Variants in SCARA5 observed in about 807,000 individuals in gnomAD.
SCARA5 encodes the protein scavenger receptor class A, member 5 (putative).
SCARA5 carries 45 observed loss-of-function variants against 46.3 expected under a neutral mutation model. That is an observed-to-expected ratio of 0.97 (90% CI 0.76 to 1.24). SCARA5 has a LOEUF of 1.24. Among genes scored for constraint, SCARA5 ranks in the 50% most tolerant of loss-of-function variants. The pLI is 0.00. For synonymous variants in SCARA5, 333 were observed against 306.5 expected (o/e 1.09, Z -0.90); for missense variants, 680 against 689.0 (o/e 0.99, Z 0.15).
chr8:27,928,151 C>T (rs1270308525), intron 3 of SCARA5, among the ~76,000 whole-genome samples: 4 of 152,224 alleles, frequency 2.6e-5, no homozygotes, highest in African/African-American at 9.7e-5. Context: ...TTACACACCA[C>T]CACCACCCAG....
intron 7 of SCARA5, among the ~76,000 whole-genome samples, chr8:27,895,659 C>T (rs1167640345): frequency 4.6e-5 from 7 of 152,168 alleles, no homozygotes; most frequent in Non-Finnish European, 1.5e-5. Flanking sequence ...CATGATAAGG[C>T]GGCCACGCCA....
rs766265362 is a variant in SCARA5 at position 27,921,821 on chromosome 8, G to A, written c.666C>T (p.Asp222=). 2.3e-5 allele frequency: 35 copies of A among 1,549,000 alleles called. No individual in the cohort carries two copies. The East Asian group carries it at 5.8e-4, about 26-fold the overall frequency. ...RVGILGEELA[D]VGGVLRGLNH... ...TGAGGCCGCGCAGCACGCCGCCCAC[G>A]TCGGCCAGCTCCTCGCCCAGGATGC... The change falls in exon 4 of 9, where the codon GAC becomes GAT. Residue 222 remains aspartate (D), a synonymous_variant. Coordinates refer to ENST00000354914, the MANE Select transcript of SCARA5 (RefSeq NM_173833.6).
rs185984632 is a variant in SCARA5, at chr8:27,907,159, C to T, written c.1085G>A (p.Arg362His). The stretch of plus-strand genomic sequence containing the variant: ...GAGATTGTTATTACCTTTGAACCCA[C>T]GCATGCCCATTGGTCCTGTGGCCCC... ...KLGATGPMGM[R>H]GFKGDRGPKG... The change falls in exon 6 of 9, where the codon CGT becomes CAT. Residue 362 changes from arginine to histidine, a missense_variant. Around this residue, in one of 3 missense-constraint regions of SCARA5, gnomAD observed 219 missense variants for 269.5 expected, o/e 0.81. Transcript: ENST00000354914. 191 of 1,613,102 alleles carry T rather than the reference C, an allele frequency of 1.2e-4. No individual in the cohort carries two copies. The highest frequency in any genetic ancestry group is 9.9e-4 in the Middle Eastern group (6 of 6,060).
At chr8:27,925,318 C>T (rs1167140548) in intron 3 of SCARA5, among the ~76,000 whole-genome samples, 3 of 152,148 alleles carry the variant, frequency 2.0e-5, no homozygotes, top group Non-Finnish European at 4.4e-5. Context: ...GAGCAGACGC[C>T]TCAGAAATAA....
In SCARA5 at chr8:27,874,186, G is replaced by T. The variant is rs186877606; in HGVS notation, c.1352-2116C>A. Among the ~76,000 whole-genome samples, 76 of 152,364 alleles carry T rather than the reference G, an allele frequency of 5.0e-4. 1 individual carries two copies. The highest frequency in any genetic ancestry group is 1.8e-3 in the African/African-American group (76 of 41,576). Reference sequence around the variant, plus strand: ...TTGAGCTTCTATGTGTTTATTTAGAGTAACATTCATAGTAGGAAAAAGTTA... The same window carrying T: ...TTGAGCTTCTATGTGTTTATTTAGATTAACATTCATAGTAGGAAAAAGTTA... On this transcript the variant is annotated intron_variant, in intron 8 of 8. Coordinates refer to ENST00000354914, the MANE Select transcript of SCARA5 (RefSeq NM_173833.6).
chr8:27,876,289 C>A (rs796065877), intron 8 of SCARA5, among the ~76,000 whole-genome samples: 1 of 152,142 alleles, frequency 6.6e-6, no homozygotes, highest in African/African-American at 2.4e-5. Flanking sequence ...GTGGCAGATC[C>A]GGGATTCTGA....
chr8:27,984,740 C>T (rs1479466350), intron 2 of SCARA5, among the ~76,000 whole-genome samples: 1 of 152,134 alleles, frequency 6.6e-6, no homozygotes, highest in Non-Finnish European at 1.5e-5. Context: ...ATTCATTATT[C>T]ATCCATTTAT....
intron 3 of SCARA5, among the ~76,000 whole-genome samples, chr8:27,944,135 C>T (rs969660595): frequency 6.6e-6 from 1 of 152,106 alleles, no homozygotes; most frequent in Non-Finnish European, 1.5e-5. Context: ...TCATGAAATA[C>T]AGTGAAAGGC....
At chr8:27,903,026 A>G (rs1202216619) in intron 7 of SCARA5, among the ~76,000 whole-genome samples, 1 of 152,092 alleles carries the variant, frequency 6.6e-6, no homozygotes, top group Admixed American at 6.5e-5. Flanking sequence ...CCTTGCTCCT[A>G]TTTGATCCTG....
At position 27,871,596 on chromosome 8, in the gene SCARA5, A is replaced by C; in HGVS notation, c.*338T>G. 1 of 1,157,552 alleles carries C rather than the reference A, an allele frequency of 8.6e-7. No individual in the cohort carries two copies. Among genetic ancestry groups the C allele is most frequent in the Non-Finnish European group, 1.1e-6 (1 of 934,122 alleles). The allele number at this position is 1,157,552 out of a possible 1,614,324, so 71.7% of individuals were successfully genotyped here. ...TGTCTCTGACACATTCTCAGCATTC[A>C]CCTGTAACTAAAAGGCCAAAGGGAA... On this transcript the variant is annotated 3_prime_UTR_variant, in exon 9 of 9. Coordinates refer to ENST00000354914, the MANE Select transcript of SCARA5 (RefSeq NM_173833.6).
intron 5 of SCARA5, among the ~76,000 whole-genome samples, chr8:27,908,155 G>T (rs558838232): frequency 1.1e-3 from 135 of 126,766 alleles, no homozygotes; most frequent in Admixed American, 7.2e-3. Context: ...TAGGGAGCGG[G>T]GTGGGAAGAA....
chr8:27,988,892 C>T (rs1808743575), intron 1 of SCARA5, among the ~76,000 whole-genome samples: 1 of 152,040 alleles, frequency 6.6e-6, no homozygotes, highest in South Asian at 2.1e-4. Flanking sequence ...ACCCTTCAAC[C>T]CAGAGGAGGC....
intron 5 of SCARA5, among the ~76,000 whole-genome samples, chr8:27,907,627 T>G (rs1475695612): frequency 7.2e-6 from 1 of 138,970 alleles, no homozygotes; most frequent in South Asian, 2.3e-4. Context: ...CAGGCTGGAG[T>G]GGCACGATCT....
chr8:27,876,804 T>C (rs1256964252), intron 8 of SCARA5, among the ~76,000 whole-genome samples: 1 of 151,634 alleles, frequency 6.6e-6, no homozygotes, highest in Non-Finnish European at 1.5e-5. Flanking sequence ...GAGAGGAAAC[T>C]GTCAGGAAGG....
intron 2 of SCARA5, among the ~76,000 whole-genome samples, chr8:27,986,681 C>T (rs369370291): frequency 2.6e-4 from 40 of 152,142 alleles, no homozygotes; most frequent in Non-Finnish European, 1.8e-4. Flanking sequence ...AATGCAGGGT[C>T]GGAGGAAGAG....
chr8:27,986,680 T>C (rs948924772), intron 2 of SCARA5, among the ~76,000 whole-genome samples: 2 of 152,030 alleles, frequency 1.3e-5, no homozygotes, highest in African/African-American at 4.8e-5. Flanking sequence ...GAATGCAGGG[T>C]CGGAGGAAGA....
chr8:27,916,453 G>A (rs1435427856), intron 4 of SCARA5, among the ~76,000 whole-genome samples: 1 of 152,166 alleles, frequency 6.6e-6, no homozygotes, highest in East Asian at 1.9e-4. Flanking sequence ...GTCTGTATAT[G>A]TGCAGGTATG....
chr8:27,919,096 GAAGGA>G (rs1807537934), intron 4 of SCARA5, among the ~76,000 whole-genome samples: 1 of 147,644 alleles, frequency 6.8e-6, no homozygotes, highest in Non-Finnish European at 1.5e-5. Flanking sequence ...TGGAGGAGGA[GAAGGA>G]AGAGGAGGAG....
At chr8:27,980,103 G>A (rs1008856267) in intron 2 of SCARA5, among the ~76,000 whole-genome samples, 83 of 152,308 alleles carry the variant, frequency 5.4e-4, no homozygotes, top group African/African-American at 1.9e-3. Flanking sequence ...CAGCTAGAGC[G>A]ATGGTAAATT....
Sources: gnomAD v4.1 joint callset for allele counts (sites outside exome capture counted in the v4.1 genomes callset) on GRCh38, gnomAD v4.1.1 for gene constraint, gnomAD v4.1.1 regional missense constraint, MANE v1.5 for transcripts, NCBI Gene and HGNC (gene_info 2026-07-23, HGNC 2026-07-21) for gene names.